Variants in CREB5 observed in about 807,000 individuals in gnomAD.
The protein encoded by CREB5 is cAMP responsive element binding protein 5.
A neutral mutation model predicts 57.1 loss-of-function variants in CREB5; 19 were observed. The ratio of observed to expected loss-of-function variants is 0.33; its 90% CI spans 0.23 to 0.49. CREB5 has a LOEUF of 0.49. Ranked by LOEUF, CREB5 falls within the 20% of genes least tolerant of loss-of-function variation. The probability of loss-of-function intolerance (pLI) is 0.99; values close to 1 mark genes in which losing one functional copy is unlikely to be tolerated. For synonymous variants in CREB5, 238 were observed against 238.3 expected, an observed-to-expected ratio of 1.00 and a Z score of 0.01; for missense variants, 579 against 671.6, an observed-to-expected ratio of 0.86 and a Z score of 1.52.
chr7:28,691,356 G>A (rs953433566), intron 5 of CREB5, among the ~76,000 whole-genome samples: 1 of 145,404 alleles, frequency 6.9e-6, no homozygotes, highest in African/African-American at 2.6e-5. Context: ...GGAGGCAGAG[G>A]TTGCATTGAG....
At chr7:28,772,932 C>G (rs984095075) in intron 7 of CREB5, among the ~76,000 whole-genome samples, 1 of 152,090 alleles carries the variant, frequency 6.6e-6, no homozygotes, top group Non-Finnish European at 1.5e-5. Context: ...AGGCAGCTCT[C>G]GTAACCTCCT....
At chr7:28,560,901 C>CAG (rs1562797666) in intron 4 of CREB5, among the ~76,000 whole-genome samples, 1 of 21,650 alleles carries the variant, frequency 4.6e-5, no homozygotes, top group Non-Finnish European at 9.4e-5. Context: ...TGTGTGCGTG[C>CAG]GCGCGTGCGT....
At chr7:28,348,440 A>G (rs1161714792) in intron 1 of CREB5, among the ~76,000 whole-genome samples, 1 of 149,880 alleles carries the variant, frequency 6.7e-6, no homozygotes. Context: ...ACACACACAC[A>G]CACAGACACC....
At chr7:28,419,825 T>C (rs1408576570) in intron 1 of CREB5, among the ~76,000 whole-genome samples, 1 of 152,232 alleles carries the variant, frequency 6.6e-6, no homozygotes, top group Non-Finnish European at 1.5e-5. Context: ...CACTCCTTTT[T>C]TCTGAGAAGG....
intron 4 of CREB5, among the ~76,000 whole-genome samples, chr7:28,528,845 C>T (rs1404004829): frequency 6.6e-6 from 1 of 150,794 alleles, no homozygotes; most frequent in South Asian, 2.1e-4. Context: ...ATATTTATTT[C>T]CCTTCTTTGG....
At chr7:28,318,699 T>G (rs1228221867) in intron 1 of CREB5, among the ~76,000 whole-genome samples, 4 of 152,156 alleles carry the variant, frequency 2.6e-5, no homozygotes, top group Admixed American at 2.6e-4. Context: ...TCAGGGATCG[T>G]GCCTAAAATG....
At chr7:28,616,902 AT>A (rs1797615578) in intron 5 of CREB5, among the ~76,000 whole-genome samples, 1 of 152,196 alleles carries the variant, frequency 6.6e-6, no homozygotes, top group South Asian at 2.1e-4. Flanking sequence ...TTATTTCTCC[AT>A]TCTTTAAACA....
rs549754950 is a variant in CREB5, at chr7:28,331,267, A to G, written c.-25+31826A>G. On this transcript the variant is annotated intron_variant, in intron 1 of 9. Coordinates refer to the CREB5 transcript ENST00000396299. ...CCCATCCATCCCATGAAAATTCAAT[A>G]CCATAGTTTGGTGTTCCTAAGACAT... Among the ~76,000 whole-genome samples the G allele has an allele frequency of 2.0e-3, 299 of 152,136 alleles. 1 individual carries two copies. Among genetic ancestry groups the G allele is most frequent in the African/African-American group, 6.9e-3 (288 of 41,492 alleles).
intron 1 of CREB5, among the ~76,000 whole-genome samples, chr7:28,445,708 C>A (rs189831045): frequency 2.0e-5 from 3 of 152,014 alleles, no homozygotes; most frequent in Non-Finnish European, 4.4e-5. Flanking sequence ...CCCGCCACCA[C>A]GCCTGGCTAA....
intron 4 of CREB5, among the ~76,000 whole-genome samples, chr7:28,562,075 G>A (rs969513199): frequency 3.9e-5 from 6 of 152,214 alleles, no homozygotes; most frequent in Admixed American, 6.5e-5. Flanking sequence ...CACGAGACTA[G>A]TTTCTAATGT....
intron 5 of CREB5, among the ~76,000 whole-genome samples, chr7:28,642,088 C>T (rs888828854): frequency 3.3e-5 from 5 of 152,152 alleles, no homozygotes; most frequent in South Asian, 2.1e-4. Flanking sequence ...GCTGGAACCC[C>T]GTATTAGAGT....
intron 4 of CREB5, chr7:28,513,455 T>TTG (rs1354985928): frequency 1.3e-5 from 2 of 151,958 alleles, no homozygotes; most frequent in African/African-American, 4.8e-5. Flanking sequence ...CATTTTTTTT[T>TTG]TTTATCAGCA....
intron 4 of CREB5, among the ~76,000 whole-genome samples, chr7:28,517,204 T>TA (rs1156527011): frequency 6.6e-6 from 1 of 152,040 alleles, no homozygotes; most frequent in Non-Finnish European, 1.5e-5. Context: ...ACTGACATTG[T>TA]AAAAAGAGGA....
rs1002678591 is a variant in CREB5, at chr7:28,821,609, C to T, written c.*2330C>T. The T allele has an allele frequency of 9.9e-5, 15 of 152,032 alleles. No individual in the cohort carries two copies. Among genetic ancestry groups the T allele is most frequent in the African/African-American group, 3.4e-4 (14 of 41,426 alleles). The allele number at this position is 152,032 out of a possible 1,614,324, so 9.4% of individuals were successfully genotyped here. On this transcript the variant is annotated 3_prime_UTR_variant, in exon 11 of 11. Coordinates refer to ENST00000357727, the MANE Select transcript of CREB5 (RefSeq NM_182898.4). ...GTTTTTTAAATTCCAACAGTAACAG[C>T]TGAATGGTTTAATCTGACTGGCTTC...
At chr7:28,417,971 A>G (rs1788090666) in intron 1 of CREB5, among the ~76,000 whole-genome samples, 1 of 152,202 alleles carries the variant, frequency 6.6e-6, no homozygotes, top group African/African-American at 2.4e-5. Context: ...TTTGATTTAC[A>G]TGTAACCTCG....
intron 5 of CREB5, among the ~76,000 whole-genome samples, chr7:28,609,368 G>A (rs139094831): frequency 1.3e-5 from 2 of 152,196 alleles, no homozygotes; most frequent in South Asian, 2.1e-4. Flanking sequence ...ACCTGCTTCC[G>A]GGCTTACTGG....
rs183916080 is a variant in CREB5 at position 28,318,273 on chromosome 7, G to A, written c.-25+18832G>A. On this transcript the variant is annotated intron_variant, in intron 1 of 9. Coordinates refer to the CREB5 transcript ENST00000396299. ...CTGTTCAATTTGATACATGAATGTT[G>A]TATTATTGACGTAGCCAATCTGCAA... Among the ~76,000 whole-genome samples, 428 of 152,250 alleles carry A rather than the reference G, an allele frequency of 2.8e-3. 3 individuals carry two copies. The highest frequency in any genetic ancestry group is 9.0e-3 in the African/African-American group (376 of 41,552).
intron 5 of CREB5, among the ~76,000 whole-genome samples, chr7:28,583,261 A>T (rs1796184580): frequency 6.6e-6 from 1 of 152,216 alleles, no homozygotes. Flanking sequence ...AGGAAAAGTG[A>T]ATTATTGGGT....
At chr7:28,670,210 C>T (rs1232099366) in intron 5 of CREB5, among the ~76,000 whole-genome samples, 2 of 152,130 alleles carry the variant, frequency 1.3e-5, no homozygotes, top group East Asian at 3.9e-4. Flanking sequence ...AAATTAGGCA[C>T]AATAAGAGAC....
Sources: allele counts gnomAD v4.1 joint callset (sites outside exome capture counted in the v4.1 genomes callset), GRCh38; gene constraint gnomAD v4.1.1; transcripts MANE v1.5; gene names NCBI Gene and HGNC (gene_info 2026-07-23, HGNC 2026-07-21).